The following HMGCS2 variants were observed in gnomAD, a reference collection of about 807,000 sequenced individuals.
HMGCS2 encodes the protein 3-hydroxy-3-methylglutaryl-CoA synthase 2, also known as hydroxymethylglutaryl-CoA synthase, mitochondrial.
A neutral mutation model predicts 57.4 loss-of-function variants in HMGCS2; 50 were observed. The observed-to-expected ratio is 0.87, with a 90% CI of 0.69 to 1.10. The LOEUF is 1.10. Ranked by LOEUF, HMGCS2 falls within the 50% of genes least tolerant of loss-of-function variation. The pLI is 0.00. For synonymous variants in HMGCS2, 254 were observed against 245.1 expected (o/e 1.04, Z -0.34); for missense variants, 627 against 636.5 (o/e 0.99, Z 0.16).
Position 119,752,554 on chromosome 1 carries a change from TG to T in HMGCS2, c.1414del (p.His472IlefsTer3). 1 of 1,614,002 alleles carries T rather than the reference TG, an allele frequency of 6.2e-7. No homozygotes were observed. The highest frequency in any genetic ancestry group is 8.5e-7 in the Non-Finnish European group (1 of 1,179,934). ...CTTCCTGACTTTTTTCTTACCCTTA[TG>T]GTAGAATTGCTCTCTTTGGTTCATT... Reference protein sequence around the residue: ...EIMNQREQFYHKVNFSPPGDT... With the variant: ...EIMNQREQFYXKVNFSPPGDT... On this transcript the variant is annotated frameshift_variant, in exon 8 of 10. Transcript: ENST00000369406. LOFTEE classifies it high-confidence loss of function.
chr1:119,753,694 C>G lies in HMGCS2; in HGVS notation c.1188-308G>C, dbSNP rs587626960. On this transcript the variant is annotated intron_variant, in intron 6 of 9. Coordinates refer to ENST00000369406, the MANE Select transcript of HMGCS2 (RefSeq NM_005518.4). ...TTTTTGGTGTACATAGAGCTTCTCC[C>G]CTCTCATGAGGACAGGGTAAATTCA... 5.9e-5 allele frequency among the ~76,000 whole-genome samples: 9 copies of G among 152,152 alleles called. 1 individual carries two copies. Among genetic ancestry groups the G allele is most frequent in the African/African-American group, 1.9e-4 (8 of 41,482 alleles).
intron 4 of HMGCS2, among the ~76,000 whole-genome samples, chr1:119,758,154 G>A (rs1402634317): frequency 2.0e-5 from 3 of 152,238 alleles, no homozygotes; most frequent in African/African-American, 4.8e-5. Context: ...TGTCTTTTGC[G>A]GATGCCCATC....
chr1:119,759,314 A>G, intron 3 of HMGCS2, 32 bp from the exon 4 acceptor site: 1 of 1,605,388 alleles, frequency 6.2e-7, no homozygotes, highest in Non-Finnish European at 8.5e-7. Context: ...TTCAGAGACT[A>G]CACAATGCAG....
chr1:119,750,752 A>G, intron 9 of HMGCS2, 45 bp downstream of exon 9: 1 of 1,214,628 alleles, frequency 8.2e-7, no homozygotes, highest in Non-Finnish European at 1.2e-6. Context: ...ACTCAGAGGA[A>G]GACATTAGGG....
At position 119,760,004 on chromosome 1, in the gene HMGCS2, A is replaced by G; in HGVS notation, c.560-15T>C. On this transcript the variant is annotated splice_polypyrimidine_tract_variant and intron_variant, in intron 2 of 9. Transcript: ENST00000369406. ...GGCATAACGACCTGTAAAGAGAAAC[A>G]AGAAATATTTACCATCATTACCAAA... 1 of 1,613,096 alleles carries G rather than the reference A, an allele frequency of 6.2e-7. No homozygotes were observed. The highest frequency in any genetic ancestry group is 8.5e-7 in the Non-Finnish European group (1 of 1,179,240).
In HMGCS2 at chr1:119,753,391, G is replaced by C. The variant is rs1369769741; in HGVS notation, c.1188-5C>G. On this transcript the variant is annotated splice_region_variant and splice_polypyrimidine_tract_variant and intron_variant, in intron 6 of 9. Transcript: ENST00000369406. ...GCCAGTTCTTGGGCAGAGTGGCTGT[G>C]GGGAAAGAAATCAAATAAAACACAC... is the stretch of plus-strand genomic sequence containing the variant. 6.6e-7 allele frequency: 1 copy of C among 1,517,818 alleles called. No individual in the cohort carries two copies. The highest frequency in any genetic ancestry group is 1.7e-5 in the Admixed American group (1 of 59,476). The allele number at this position is 1,517,818 out of a possible 1,614,324, so 94.0% of individuals were successfully genotyped here. A position where few individuals can be genotyped will look rare whatever the true frequency, so the allele number is the denominator to read the frequency against.
At position 119,759,875 on chromosome 1, in the gene HMGCS2, G is replaced by A; in HGVS notation, c.674C>T (p.Ala225Val). Reference protein sequence around the residue: ...AMLIGPKAPLALERGLRGTHM... With the variant: ...AMLIGPKAPLVLERGLRGTHM... ...GGATTACTACAAACCTCGCTCCAGG[G>A]CCAGAGGGGCCTTGGGCCCAATCAG... Residue 225 changes from alanine to valine, a missense_variant, in exon 3 of 10, where the codon GCC becomes GTC. Transcript: ENST00000369406. The A allele has an allele frequency of 6.2e-7, 1 of 1,614,166 alleles. No homozygotes were observed. Among genetic ancestry groups the A allele is most frequent in the East Asian group, 2.2e-5 (1 of 44,882 alleles).
intron 2 of HMGCS2, among the ~76,000 whole-genome samples, chr1:119,761,982 T>C (rs2101268113): frequency 1.3e-5 from 2 of 152,328 alleles, no homozygotes; most frequent in South Asian, 4.1e-4. Flanking sequence ...ATTTGGCACA[T>C]TTTATCAAAC....
intron 2 of HMGCS2, 70 bp from the exon 3 acceptor site, chr1:119,760,059 C>G: frequency 7.1e-7 from 1 of 1,409,068 alleles, no homozygotes; most frequent in Non-Finnish European, 1.0e-6. Context: ...CTACTGTGTA[C>G]CAGGCACAAT....
At chr1:119,766,820 G>C (rs1653247014) in intron 1 of HMGCS2, among the ~76,000 whole-genome samples, 1 of 152,088 alleles carries the variant, frequency 6.6e-6, no homozygotes, top group African/African-American at 2.4e-5. Flanking sequence ...TTTTGTAGCT[G>C]TCTTGGTGGG....
intron 1 of HMGCS2, among the ~76,000 whole-genome samples, chr1:119,765,179 G>C (rs1269199025): frequency 1.3e-5 from 2 of 152,100 alleles, no homozygotes; most frequent in East Asian, 3.9e-4. Context: ...CGTGATCTCT[G>C]CTCACTGCAA....
At chr1:119,750,598 A>C (rs957426429) in intron 9 of HMGCS2, among the ~76,000 whole-genome samples, 199 bp downstream of exon 9, 2 of 152,150 alleles carry the variant, frequency 1.3e-5, no homozygotes, top group African/African-American at 4.8e-5. Context: ...AATGTTCCCA[A>C]ACTACAAGAT....
Position 119,760,384 on chromosome 1 carries a change from A to G in HMGCS2, c.560-395T>C, listed in dbSNP as rs79116078. Reference sequence around the variant, plus strand: ...CTAACATTTAAAACACTAGTAGGACACTAGTTAACCTTAAACAATTCTTGA... The same window carrying G: ...CTAACATTTAAAACACTAGTAGGACGCTAGTTAACCTTAAACAATTCTTGA... On this transcript the variant is annotated intron_variant, in intron 2 of 9. Coordinates refer to ENST00000369406, the MANE Select transcript of HMGCS2 (RefSeq NM_005518.4). Among the ~76,000 whole-genome samples the G allele has an allele frequency of 5.5e-3, 842 of 152,336 alleles. 16 individuals carry two copies. The East Asian group carries it at 0.06, about 11-fold the overall frequency.
intron 6 of HMGCS2, among the ~76,000 whole-genome samples, chr1:119,754,948 T>C (rs1043072303): frequency 3.9e-5 from 6 of 152,202 alleles, no homozygotes; most frequent in African/African-American, 1.2e-4. Flanking sequence ...TGCCTATACA[T>C]ACACCTTTGG....
chr1:119,763,918 T>A (rs757240589), intron 2 of HMGCS2, among the ~76,000 whole-genome samples: 13 of 152,224 alleles, frequency 8.5e-5, no homozygotes, highest in Non-Finnish European at 1.6e-4. Flanking sequence ...TTCCATGTTC[T>A]CTTCTATAAA....
At chr1:119,755,119 C>G (rs1341743766) in intron 6 of HMGCS2, among the ~76,000 whole-genome samples, 3 of 152,130 alleles carry the variant, frequency 2.0e-5, no homozygotes, top group Non-Finnish European at 2.9e-5. Context: ...TGGGCTCACA[C>G]CATCCTCCCA....
chr1:119,754,102 G>A (rs200029251), intron 6 of HMGCS2, among the ~76,000 whole-genome samples: 1 of 150,030 alleles, frequency 6.7e-6, no homozygotes, highest in East Asian at 2.0e-4. Flanking sequence ...TGTCACCCAA[G>A]CTATAGTGCA....
At position 119,756,872 on chromosome 1, in the gene HMGCS2, C is replaced by A. The variant is rs1024424093; in HGVS notation, c.1016+401G>T. On this transcript the variant is annotated intron_variant, in intron 5 of 9. Coordinates refer to ENST00000369406, the MANE Select transcript of HMGCS2 (RefSeq NM_005518.4). ...CTGTGAGATGCTCTAGGGCAGGGAC[C>A]ATGGAGTCACATTCATTTTAGTATC... Among the ~76,000 whole-genome samples, 7 of 152,270 alleles carry A rather than the reference C, an allele frequency of 4.6e-5. No individual in the cohort carries two copies. The East Asian group carries it at 1.4e-3, about 29-fold the overall frequency.
At chr1:119,765,283 T>G (rs1653189137) in intron 1 of HMGCS2, among the ~76,000 whole-genome samples, 1 of 152,162 alleles carries the variant, frequency 6.6e-6, no homozygotes, top group Admixed American at 6.5e-5. Context: ...TAATTTTTTG[T>G]ATTTTTAGTA....
Sources: allele counts gnomAD v4.1 joint callset (sites outside exome capture counted in the v4.1 genomes callset), GRCh38; gene constraint gnomAD v4.1.1; transcripts MANE v1.5; gene names NCBI Gene and HGNC (gene_info 2026-07-23, HGNC 2026-07-21).